Variants in PRKG1 observed in about 807,000 individuals in gnomAD.
The protein encoded by PRKG1 is protein kinase cGMP-dependent 1.
In PRKG1, 35 loss-of-function variants were observed where a neutral mutation model predicts 88.1. The observed-to-expected ratio is 0.40, with a 90% CI of 0.30 to 0.53. The LOEUF (loss-of-function observed/expected upper bound fraction) is 0.53. Ranked by LOEUF, PRKG1 falls within the 20% of genes least tolerant of loss-of-function variation. The probability of loss-of-function intolerance (pLI) is 0.59; values close to 1 mark genes in which losing one functional copy is unlikely to be tolerated. For missense variants in PRKG1, 540 were observed against 839.8 expected (o/e 0.64, Z 4.41); for synonymous variants, 303 against 292.5 (o/e 1.04, Z -0.37).
chr10:52,245,357 T>G (rs1016540348), intron 9 of PRKG1, among the ~76,000 whole-genome samples: 16 of 152,132 alleles, frequency 1.1e-4, no homozygotes, highest in African/African-American at 3.9e-4. Flanking sequence ...AAATTTATAC[T>G]TATTACTTAA....
At chr10:52,142,175 G>A (rs1837598318) in intron 8 of PRKG1, among the ~76,000 whole-genome samples, 1 of 152,176 alleles carries the variant, frequency 6.6e-6, no homozygotes, top group African/African-American at 2.4e-5. Flanking sequence ...AGTCCCAGAA[G>A]GAGTGTGGAT....
chr10:51,921,704 T>C (rs1361873796), intron 5 of PRKG1, among the ~76,000 whole-genome samples: 9 of 152,084 alleles, frequency 5.9e-5, no homozygotes, highest in Non-Finnish European at 1.0e-4. Flanking sequence ...TGTTATGTGC[T>C]GGATTACAGT....
chr10:52,289,912 C>T (rs1439952983), intron 16 of PRKG1, among the ~76,000 whole-genome samples: 1 of 151,938 alleles, frequency 6.6e-6, no homozygotes, highest in African/African-American at 2.4e-5. Flanking sequence ...AGGCACAGGG[C>T]CAGACACATT....
At chr10:51,036,335 A>G (rs1168060136) in intron 1 of PRKG1, among the ~76,000 whole-genome samples, 3 of 152,206 alleles carry the variant, frequency 2.0e-5, no homozygotes, top group Non-Finnish European at 4.4e-5. Context: ...GATGAATGAC[A>G]GGTATTACTT....
intron 3 of PRKG1, among the ~76,000 whole-genome samples, chr10:51,607,740 T>A (rs1254122107): frequency 6.6e-6 from 1 of 152,212 alleles, no homozygotes; most frequent in Non-Finnish European, 1.5e-5. Flanking sequence ...CATTTTGCCT[T>A]GATGGCGGTA....
intron 1 of PRKG1, among the ~76,000 whole-genome samples, chr10:51,141,411 G>A (rs1845816716): frequency 6.6e-6 from 1 of 152,102 alleles, no homozygotes; most frequent in Non-Finnish European, 1.5e-5. Context: ...TTTCCAGATT[G>A]TGGATAACAC....
chr10:51,866,293 A>T (rs1337931834), intron 4 of PRKG1, among the ~76,000 whole-genome samples: 1 of 152,096 alleles, frequency 6.6e-6, no homozygotes, highest in East Asian at 1.9e-4. Flanking sequence ...AAATAATCAA[A>T]TCACAGAATG....
chr10:51,553,053 C>T (rs746671934), intron 3 of PRKG1, among the ~76,000 whole-genome samples: 9 of 151,606 alleles, frequency 5.9e-5, no homozygotes, highest in Non-Finnish European at 7.4e-5. Flanking sequence ...TGGCTTTTCT[C>T]TTGGAAGGCC....
intron 5 of PRKG1, among the ~76,000 whole-genome samples, chr10:51,970,963 C>G (rs1163189644): frequency 6.6e-6 from 1 of 151,384 alleles, no homozygotes; most frequent in Non-Finnish European, 1.5e-5. Flanking sequence ...ATACTCTTGA[C>G]TACTAGAATG....
At chr10:51,766,358 T>C (rs1838163360) in intron 3 of PRKG1, among the ~76,000 whole-genome samples, 1 of 152,104 alleles carries the variant, frequency 6.6e-6, no homozygotes, top group Non-Finnish European at 1.5e-5. Context: ...CATATAGCTT[T>C]GTTCTTCTTA....
intron 7 of PRKG1, among the ~76,000 whole-genome samples, chr10:52,069,708 C>T (rs11000692): frequency 0.17 from 26,319 of 152,024 alleles, 2,880 homozygotes; most frequent in South Asian, 0.28. Context: ...CTCTCCTTCC[C>T]AATATCACCA....
chr10:51,454,908 C>T (rs1839540763), intron 2 of PRKG1, among the ~76,000 whole-genome samples: 3 of 152,204 alleles, frequency 2.0e-5, no homozygotes, highest in Admixed American at 2.0e-4. Context: ...CTCAGGTCCT[C>T]ACATTTCAAA....
At chr10:51,851,124 AATAG>A (rs1840542938) in intron 4 of PRKG1, among the ~76,000 whole-genome samples, 1 of 152,180 alleles carries the variant, frequency 6.6e-6, no homozygotes, top group Non-Finnish European at 1.5e-5. Context: ...TGCAGCTGTT[AATAG>A]ATAATCAGGA....
At chr10:51,960,930 G>A (rs751872954) in intron 5 of PRKG1, among the ~76,000 whole-genome samples, 3 of 152,070 alleles carry the variant, frequency 2.0e-5, no homozygotes, top group African/African-American at 2.4e-5. Context: ...CTACTCAGGC[G>A]TGATTGTTGC....
At chr10:51,597,160 C>A (rs1042158955) in intron 3 of PRKG1, among the ~76,000 whole-genome samples, 1 of 150,334 alleles carries the variant, frequency 6.7e-6, no homozygotes, top group African/African-American at 2.5e-5. Context: ...ACTAAACTAA[C>A]CTTCTAGAGT....
At chr10:51,147,502 A>G (rs1845971855) in intron 1 of PRKG1, among the ~76,000 whole-genome samples, 1 of 152,122 alleles carries the variant, frequency 6.6e-6, no homozygotes, top group Admixed American at 6.6e-5. Context: ...TAAATATTTT[A>G]TGGGCTATCT....
rs1837963206 is a variant in PRKG1, at chr10:51,579,041, G to C, written c.592+111205G>C. ...GTCTCACCCAGGCTGGAGTGCAGTGGCATGATCTCAGCTCACTGCAACTTC... is the reference window on the plus strand; with the variant it reads ...GTCTCACCCAGGCTGGAGTGCAGTGCCATGATCTCAGCTCACTGCAACTTC... On this transcript the variant is annotated intron_variant, in intron 3 of 17. Coordinates refer to ENST00000373980, the MANE Select transcript of PRKG1 (RefSeq NM_006258.4). Among the ~76,000 whole-genome samples the C allele has an allele frequency of 2.8e-5, 4 of 143,704 alleles. No homozygotes were observed. In the South Asian group the frequency reaches 6.7e-4, roughly 24 times the overall value. 94.3% of individuals were successfully genotyped at this position (143,704 alleles called of 152,430 possible).
In PRKG1 at chr10:52,295,402, G is replaced by A. The variant is rs80233992; in HGVS notation, c.*1502G>A. On this transcript the variant is annotated 3_prime_UTR_variant, in exon 18 of 18. Coordinates refer to ENST00000373980, the MANE Select transcript of PRKG1 (RefSeq NM_006258.4). ...ATTTCATACTACCTAAAAAAGACTA[G>A]ATTTGAAAATGTCAAGCTGATTTAC... is the stretch of plus-strand genomic sequence containing the variant. 66 of 152,022 alleles carry A rather than the reference G, an allele frequency of 4.3e-4. No homozygotes were observed. The highest frequency in any genetic ancestry group is 1.5e-3 in the African/African-American group (63 of 41,522). The allele number at this position is 152,022 out of a possible 1,614,324, so 9.4% of individuals were successfully genotyped here.
At chr10:51,692,936 A>G (rs1328386110) in intron 3 of PRKG1, among the ~76,000 whole-genome samples, 1 of 152,024 alleles carries the variant, frequency 6.6e-6, no homozygotes, top group Non-Finnish European at 1.5e-5. Flanking sequence ...TTAAAACCCT[A>G]TGATTAAAGG....
Sources: allele counts gnomAD v4.1 joint callset (sites outside exome capture counted in the v4.1 genomes callset), GRCh38; gene constraint gnomAD v4.1.1; transcripts MANE v1.5; gene names NCBI Gene and HGNC (gene_info 2026-07-23, HGNC 2026-07-21).